NEDD4: variants seen among roughly 807,000 people sequenced by gnomAD.
NEDD4 encodes NEDD4 E3 ubiquitin protein ligase.
A neutral mutation model predicts 144.9 loss-of-function variants in NEDD4; 99 were observed. The observed-to-expected ratio is 0.68, with a 90% CI of 0.58 to 0.81. The LOEUF is 0.81. Ranked by LOEUF, NEDD4 falls within the 30% of genes least tolerant of loss-of-function variation. The probability of loss-of-function intolerance (pLI) is 0.00; values close to 1 mark genes in which losing one functional copy is unlikely to be tolerated. For missense variants in NEDD4, 985 were observed against 1,065.9 expected (o/e 0.92, Z 1.06); for synonymous variants, 318 against 350.6 (o/e 0.91, Z 1.04).
At chr15:55,935,655 G>A (rs1340764930) in intron 4 of NEDD4, among the ~76,000 whole-genome samples, 9 of 151,914 alleles carry the variant, frequency 5.9e-5, no homozygotes, top group Non-Finnish European at 7.4e-5. Context: ...AGACCATCCT[G>A]GCTAACACAG....
At chr15:55,868,394 C>G (rs2034658174) in intron 8 of NEDD4, among the ~76,000 whole-genome samples, 1 of 152,164 alleles carries the variant, frequency 6.6e-6, no homozygotes, top group Non-Finnish European at 1.5e-5. Context: ...GGCTGTGTCC[C>G]CACTCAAATC....
intron 6 of NEDD4, among the ~76,000 whole-genome samples, chr15:55,872,678 T>C (rs1912407): frequency 0.73 from 110,400 of 152,022 alleles, 40,522 homozygotes; most frequent in Non-Finnish European, 0.8. Flanking sequence ...ACAACTCAAA[T>C]GAAAACTAGC....
chr15:55,870,504 CTT>C (rs1200571286), intron 7 of NEDD4, among the ~76,000 whole-genome samples: 1 of 144,502 alleles, frequency 6.9e-6, no homozygotes, highest in Admixed American at 7.3e-5. Context: ...GCTGCTGCTG[CTT>C]TTTTTTTCTT....
chr15:55,888,786 A>G (rs1376072540), intron 5 of NEDD4, among the ~76,000 whole-genome samples: 2 of 152,232 alleles, frequency 1.3e-5, no homozygotes, highest in African/African-American at 4.8e-5. Context: ...AGAACCCAGA[A>G]ACAAATCCAT....
chr15:55,837,737 T>C (rs780458685), intron 24 of NEDD4, 52 bp downstream of exon 24: 22 of 1,374,226 alleles, frequency 1.6e-5, no homozygotes, highest in Non-Finnish European at 2.2e-5. Flanking sequence ...TATTTGAAAC[T>C]TATAGGTTAT....
intron 5 of NEDD4, among the ~76,000 whole-genome samples, chr15:55,883,855 T>C (rs2035290806): frequency 6.6e-6 from 1 of 150,506 alleles, no homozygotes; most frequent in African/African-American, 2.4e-5. Context: ...CTTCCAGATG[T>C]CATCCAAGAC....
At chr15:55,918,935 G>A (rs1401081774) in intron 5 of NEDD4, among the ~76,000 whole-genome samples, 1 of 152,078 alleles carries the variant, frequency 6.6e-6, no homozygotes, top group East Asian at 1.9e-4. Context: ...CTCAAAGAAT[G>A]AATCCCTTCT....
intron 4 of NEDD4, among the ~76,000 whole-genome samples, chr15:55,931,601 A>C (rs547258518): frequency 8.9e-4 from 136 of 152,340 alleles, no homozygotes; most frequent in Non-Finnish European, 1.6e-3. Flanking sequence ...CAGAGGAAAA[A>C]AGTTGCCAAA....
chr15:55,856,650 C>A (rs2034207019), intron 11 of NEDD4, among the ~76,000 whole-genome samples: 1 of 152,168 alleles, frequency 6.6e-6, no homozygotes, highest in African/African-American at 2.4e-5. Flanking sequence ...CCAGTCCTGT[C>A]CTTCTGGAGC....
At chr15:55,989,102 G>A (rs2037946650) in intron 1 of NEDD4, among the ~76,000 whole-genome samples, 1 of 151,998 alleles carries the variant, frequency 6.6e-6, no homozygotes, top group Non-Finnish European at 1.5e-5. Flanking sequence ...TGGGCGTGGT[G>A]GTGCGTGCCT....
chr15:55,986,139 T>A (rs1362392433), intron 1 of NEDD4, among the ~76,000 whole-genome samples: 1 of 152,084 alleles, frequency 6.6e-6, no homozygotes, highest in South Asian at 2.1e-4. Context: ...CTGATATAAA[T>A]AAATGACAGG....
chr15:55,886,772 A>T (rs2035407111), intron 5 of NEDD4, among the ~76,000 whole-genome samples: 1 of 152,022 alleles, frequency 6.6e-6, no homozygotes, highest in Non-Finnish European at 1.5e-5. Context: ...AAAAAAAAAA[A>T]AATTGAAATA....
At chr15:55,847,670 T>TTTTTCC (rs2033803640) in intron 17 of NEDD4, among the ~76,000 whole-genome samples, 1 of 133,254 alleles carries the variant, frequency 7.5e-6, no homozygotes. Context: ...TTTCTTTTTC[T>TTTTTCC]TTTTCCTTTT....
intron 1 of NEDD4, among the ~76,000 whole-genome samples, chr15:55,971,624 CAAAA>C (rs59537454): frequency 8.0e-6 from 1 of 124,600 alleles, no homozygotes. Context: ...GACTCTGTCT[CAAAA>C]AAAAAAAAAA....
At chr15:55,905,736 T>C (rs1163682213) in intron 5 of NEDD4, among the ~76,000 whole-genome samples, 2 of 152,360 alleles carry the variant, frequency 1.3e-5, no homozygotes, top group South Asian at 2.1e-4. Context: ...TTTTTTCTTG[T>C]AAATTTGTTT....
intron 2 of NEDD4, among the ~76,000 whole-genome samples, chr15:55,965,475 T>C (rs1273942501): frequency 6.6e-6 from 1 of 152,168 alleles, no homozygotes; most frequent in Non-Finnish European, 1.5e-5. Flanking sequence ...CCCCGTTTCT[T>C]AGGCAGTGAC....
At position 55,830,576 on chromosome 15, in the gene NEDD4, T is replaced by C; in HGVS notation, c.2538A>G (p.Gly846=). 1.9e-6 allele frequency: 3 copies of C among 1,614,004 alleles called. No individual in the cohort carries two copies. The highest frequency in any genetic ancestry group is 2.2e-5 in the South Asian group (2 of 91,086). The change falls in exon 28 of 29, where the codon GGA becomes GGG. Residue 846 remains glycine, a synonymous_variant. Transcript: ENST00000435532. ...NGFAELYGSN[G]PQSFTVEQWG... ...ACTGTTCAACTGTAAATGACTGTGGTCCATTTGAACCTATAAGGAAGAATT... is the reference window on the plus strand; with the variant it reads ...ACTGTTCAACTGTAAATGACTGTGGCCCATTTGAACCTATAAGGAAGAATT...
chr15:55,830,854 C>G (rs1326239621), intron 27 of NEDD4, among the ~76,000 whole-genome samples: 2 of 152,148 alleles, frequency 1.3e-5, no homozygotes. Flanking sequence ...TGTGCACCAC[C>G]ACGCCTGGCT....
rs142999564 is a variant in NEDD4, at chr15:55,894,534, C to T, written c.292-20526G>A. On this transcript the variant is annotated intron_variant, in intron 5 of 28. Transcript: ENST00000435532. ...CTTGAAATTCTACGGCCCTTAGAAA[C>T]CCTCACATCTTTAAAGGGGCTTTTA... Among the ~76,000 whole-genome samples the T allele has an allele frequency of 1.1e-4, 17 of 152,182 alleles. 1 individual carries two copies. The highest frequency in any genetic ancestry group is 3.9e-4 in the African/African-American group (16 of 41,524).
Sources: allele counts gnomAD v4.1 joint callset (sites outside exome capture counted in the v4.1 genomes callset), GRCh38; gene constraint gnomAD v4.1.1; transcripts MANE v1.5; gene names NCBI Gene and HGNC (gene_info 2026-07-23, HGNC 2026-07-21).